The following PDE5A variants were observed in gnomAD, a reference collection of about 807,000 sequenced individuals.
PDE5A encodes phosphodiesterase 5A.
A neutral mutation model predicts 110.2 loss-of-function variants in PDE5A; 67 were observed. The observed-to-expected ratio is 0.61, with a 90% CI of 0.50 to 0.75. PDE5A has a LOEUF of 0.75. Among genes scored for constraint, PDE5A ranks in the 30% least tolerant of loss-of-function variants. PDE5A has a pLI of 0.00. For synonymous variants in PDE5A, 328 were observed against 351.2 expected (o/e 0.93, Z 0.74); for missense variants, 862 against 1,045.1 (o/e 0.82, Z 2.42).
At position 119,604,634 on chromosome 4, in the gene PDE5A, A is replaced by T. The variant is rs144077664; in HGVS notation, c.741+2075T>A. 4.8e-4 allele frequency among the ~76,000 whole-genome samples: 73 copies of T among 152,302 alleles called. No homozygotes were observed. The Middle Eastern group carries it at 0.024, about 50-fold the overall frequency. On this transcript the variant is annotated intron_variant, in intron 2 of 20. Transcript: ENST00000354960. ...TCAAAATTGAACACATTGCTTATATAGAATGGATTCTGAAAAAACATTTCA... is the reference window on the plus strand; with the variant it reads ...TCAAAATTGAACACATTGCTTATATTGAATGGATTCTGAAAAAACATTTCA...
At chr4:119,626,249 A>G (rs909767938) in intron 1 of PDE5A, among the ~76,000 whole-genome samples, 2 of 152,092 alleles carry the variant, frequency 1.3e-5, no homozygotes, top group East Asian at 1.9e-4. Context: ...GCTGCTTGGG[A>G]GAAAAAGTAA....
At chr4:119,576,408 T>C (rs932372227) in intron 3 of PDE5A, among the ~76,000 whole-genome samples, 149 of 152,232 alleles carry the variant, frequency 9.8e-4, no homozygotes, top group African/African-American at 3.5e-3. Context: ...CACACCACAC[T>C]TATTCCAAAA....
At chr4:119,601,114 G>A (rs1307582948) in intron 2 of PDE5A, among the ~76,000 whole-genome samples, 2 of 152,056 alleles carry the variant, frequency 1.3e-5, no homozygotes, top group Admixed American at 6.6e-5. Flanking sequence ...TTCCATATTT[G>A]CAACAAGCCC....
intron 9 of PDE5A, chr4:119,550,249 A>G (rs1727294086): frequency 6.6e-6 from 1 of 152,152 alleles, no homozygotes; most frequent in Non-Finnish European, 1.5e-5. Flanking sequence ...TTTATTTACA[A>G]AGAATTTTTC....
intron 1 of PDE5A, among the ~76,000 whole-genome samples, chr4:119,611,378 A>G (rs1247638569): frequency 1.3e-5 from 2 of 152,250 alleles, no homozygotes; most frequent in Admixed American, 6.5e-5. Flanking sequence ...TCTTGAAGTA[A>G]ATGAATAAAT....
rs756544106 is a variant in PDE5A, at chr4:119,525,727, C to T, written c.1633-32G>A. The T allele has an allele frequency of 6.3e-7, 1 of 1,578,608 alleles. No homozygotes were observed. The highest frequency in any genetic ancestry group is 8.6e-7 in the Non-Finnish European group (1 of 1,158,904). ...TAAGGAAAGAAGAAAAAAAAAAATG[C>T]TGTTAATTAAAGCAGCAGTGATTTG... On this transcript the variant is annotated intron_variant, in intron 11 of 20. Transcript: ENST00000354960. The surrounding 1 kb of genome is among the most constrained non-coding windows in gnomAD (Gnocchi z 4.3).
At chr4:119,625,813 G>A (rs551949339) in intron 1 of PDE5A, among the ~76,000 whole-genome samples, 78 of 152,074 alleles carry the variant, frequency 5.1e-4, no homozygotes, top group African/African-American at 1.8e-3. Context: ...GGGGTTAGTG[G>A]TTTGCATTTT....
At chr4:119,550,537 C>G (rs1270834081) in intron 9 of PDE5A, 2 of 152,196 alleles carry the variant, frequency 1.3e-5, no homozygotes, top group Non-Finnish European at 1.5e-5. Flanking sequence ...TCCATGTCGT[C>G]TAACTCGCTC....
At chr4:119,499,149 A>G (rs1458906700) in intron 20 of PDE5A, among the ~76,000 whole-genome samples, 2 of 152,328 alleles carry the variant, frequency 1.3e-5, no homozygotes, top group African/African-American at 4.8e-5. Flanking sequence ...GCTTTTATCC[A>G]GGATTATATT....
In PDE5A at chr4:119,586,123, T is replaced by G. The variant is rs112763003; in HGVS notation, c.831+10400A>C. Among the ~76,000 whole-genome samples, 1,280 of 152,332 alleles carry G rather than the reference T, an allele frequency of 8.4e-3. 10 individuals are homozygous for G. Among genetic ancestry groups the G allele is most frequent in the Middle Eastern group, 0.014 (4 of 294 alleles). ...CAGAATCACTTAGTGTAATTTGTTA[T>G]GTTGCAAGAGATAACCAATACGGCA... On this transcript the variant is annotated intron_variant, in intron 3 of 20. Transcript: ENST00000354960.
At chr4:119,544,448 C>T (rs190180428) in intron 9 of PDE5A, among the ~76,000 whole-genome samples, 2 of 152,208 alleles carry the variant, frequency 1.3e-5, no homozygotes, top group East Asian at 1.9e-4. Flanking sequence ...TGGCAAAAAA[C>T]AAGAACAAAA....
intron 14 of PDE5A, 87 bp from the exon 15 acceptor site, chr4:119,511,221 A>C: frequency 1.4e-6 from 1 of 736,838 alleles, no homozygotes; most frequent in Non-Finnish European, 2.3e-6. Context: ...GTTTAACTAC[A>C]AAAGAGGCTA....
chr4:119,615,732 A>G lies in PDE5A; in HGVS notation c.153-8435T>C, dbSNP rs1343289799. Among the ~76,000 whole-genome samples, 4 of 152,304 alleles carry G rather than the reference A, an allele frequency of 2.6e-5. No individual in the cohort carries two copies. In the East Asian group the frequency reaches 7.7e-4, roughly 29 times the overall value. On this transcript the variant is annotated intron_variant, in intron 1 of 20. Transcript: ENST00000354960. The stretch of plus-strand genomic sequence containing the variant: ...AGCATCTGTAGCTTTTACCACAAGT[A>G]CTAATAATCTGGACTCTCCACTTTC...
intron 1 of PDE5A, among the ~76,000 whole-genome samples, chr4:119,614,457 A>C (rs1396878532): frequency 6.6e-6 from 1 of 152,120 alleles, no homozygotes; most frequent in Admixed American, 6.6e-5. Flanking sequence ...TCCTAACTGA[A>C]ATTGTTGGCG....
At chr4:119,569,557 T>C (rs189871277) in intron 3 of PDE5A, 146 of 151,300 alleles carry the variant, frequency 9.6e-4, no homozygotes, top group African/African-American at 3.3e-3. Flanking sequence ...GAAAATATAG[T>C]TGGTCCTTTG....
At chr4:119,502,481 T>A in intron 19 of PDE5A, 100 bp downstream of exon 19, 1 of 665,930 alleles carries the variant, frequency 1.5e-6, no homozygotes, top group South Asian at 2.0e-5. Context: ...AAATGAGAAA[T>A]TGTGGTCCTA....
At chr4:119,586,335 A>C (rs1728765248) in intron 3 of PDE5A, among the ~76,000 whole-genome samples, 1 of 152,214 alleles carries the variant, frequency 6.6e-6, no homozygotes, top group Non-Finnish European at 1.5e-5. Flanking sequence ...TCTATGATCA[A>C]AAGCAAGTGG....
intron 3 of PDE5A, among the ~76,000 whole-genome samples, chr4:119,586,023 C>A (rs1728753543): frequency 1.3e-5 from 2 of 152,136 alleles, no homozygotes; most frequent in South Asian, 4.1e-4. Flanking sequence ...GATACCTGAG[C>A]CAGAAGGAAC....
At chr4:119,574,527 G>A (rs1728261955) in intron 3 of PDE5A, among the ~76,000 whole-genome samples, 1 of 151,970 alleles carries the variant, frequency 6.6e-6, no homozygotes, top group African/African-American at 2.4e-5. Context: ...AAGGAATCAT[G>A]GAGACCAAGA....
Sources: allele counts gnomAD v4.1 joint callset (sites outside exome capture counted in the v4.1 genomes callset), GRCh38; gene constraint gnomAD v4.1.1; non-coding constraint Gnocchi (gnomAD v3.1); transcripts MANE v1.5; gene names NCBI Gene and HGNC (gene_info 2026-07-23, HGNC 2026-07-21).